The following RAP1GDS1 variants were observed in gnomAD, a reference collection of about 807,000 sequenced individuals.
RAP1GDS1 encodes the protein Rap1 GTPase-GDP dissociation stimulator 1, also known as RAP1, GTP-GDP dissociation stimulator 1.
A neutral mutation model predicts 71.1 loss-of-function variants in RAP1GDS1; 35 were observed. That is an observed-to-expected ratio of 0.49 (90% CI 0.38 to 0.65). The LOEUF (loss-of-function observed/expected upper bound fraction) is 0.65. Among genes scored for constraint, RAP1GDS1 ranks in the 30% least tolerant of loss-of-function variants. The pLI, the probability that RAP1GDS1 is intolerant of heterozygous loss-of-function variation, is 0.00. For missense variants in RAP1GDS1, 663 were observed against 706.1 expected, an observed-to-expected ratio of 0.94 and a Z score of 0.69; for synonymous variants, 229 against 243.1, an observed-to-expected ratio of 0.94 and a Z score of 0.54.
At chr4:98,414,956 GTATTT>G (rs1258732430) in intron 7 of RAP1GDS1, among the ~76,000 whole-genome samples, 1 of 151,718 alleles carries the variant, frequency 6.6e-6, no homozygotes, top group African/African-American at 2.4e-5. Context: ...GGATTCCTAG[GTATTT>G]TATTCTCTTT....
chr4:98,275,928 T>C (rs1396508114), intron 1 of RAP1GDS1, among the ~76,000 whole-genome samples: 3 of 152,202 alleles, frequency 2.0e-5, no homozygotes, highest in Non-Finnish European at 4.4e-5. Flanking sequence ...CAGATGTTCT[T>C]TCCCCTGGCA....
At position 98,299,910 on chromosome 4, in the gene RAP1GDS1, C is replaced by T. The variant is rs959453772; in HGVS notation, c.112+6395C>T. Reference sequence around the variant, plus strand: ...CTAAGATTACAGACATGAGCCACTGCGCCTGGCCTCGAAAGTGGTTTTTTG... The same window carrying T: ...CTAAGATTACAGACATGAGCCACTGTGCCTGGCCTCGAAAGTGGTTTTTTG... On this transcript the variant is annotated intron_variant, in intron 2 of 14. Transcript: ENST00000408927. 7.9e-5 allele frequency among the ~76,000 whole-genome samples: 12 copies of T among 152,124 alleles called. No homozygotes were observed. In the South Asian group the frequency reaches 1.5e-3, roughly 18 times the overall value.
chr4:98,349,252 G>C (rs1398245891), intron 3 of RAP1GDS1, among the ~76,000 whole-genome samples: 1 of 152,126 alleles, frequency 6.6e-6, no homozygotes, highest in Admixed American at 6.5e-5. Flanking sequence ...GTTTTTGTCA[G>C]GTTTGTCAAA....
chr4:98,307,829 A>G lies in RAP1GDS1; in HGVS notation c.112+14314A>G, dbSNP rs183874388. Among the ~76,000 whole-genome samples, 4 of 152,270 alleles carry G rather than the reference A, an allele frequency of 2.6e-5. No homozygotes were observed. In the East Asian group the frequency reaches 7.7e-4, roughly 29 times the overall value. On this transcript the variant is annotated intron_variant, in intron 2 of 14. Coordinates refer to ENST00000408927, the MANE Select transcript of RAP1GDS1 (RefSeq NM_001100427.2). ...TACTTTTGTTTCCTCTTGCCCTTAT[A>G]ACTAAAGCCGACTTACTGTATTGGG...
At chr4:98,421,568 A>G (rs1177081206) in intron 12 of RAP1GDS1, among the ~76,000 whole-genome samples, 174 bp downstream of exon 12, 1 of 152,200 alleles carries the variant, frequency 6.6e-6, no homozygotes, top group South Asian at 2.1e-4. Context: ...AACACTCGGT[A>G]AATGGGGGTT....
At chr4:98,309,768 G>A (rs776906744) in intron 2 of RAP1GDS1, among the ~76,000 whole-genome samples, 1 of 151,722 alleles carries the variant, frequency 6.6e-6, no homozygotes, top group Non-Finnish European at 1.5e-5. Flanking sequence ...TCTTAATTTT[G>A]TGTGGTTCAT....
At chr4:98,370,928 T>C (rs1179184293) in intron 4 of RAP1GDS1, among the ~76,000 whole-genome samples, 3 of 152,132 alleles carry the variant, frequency 2.0e-5, no homozygotes, top group African/African-American at 7.2e-5. Context: ...TAGAAACTCT[T>C]TGAAAGCAAA....
chr4:98,435,756 A>C (rs1009594706), intron 13 of RAP1GDS1, among the ~76,000 whole-genome samples: 1 of 152,010 alleles, frequency 6.6e-6, no homozygotes, highest in Non-Finnish European at 1.5e-5. Context: ...TTGTAGTTCT[A>C]TATTTTACAT....
intron 2 of RAP1GDS1, among the ~76,000 whole-genome samples, chr4:98,318,879 T>C (rs373865013): frequency 3.9e-5 from 6 of 152,174 alleles, no homozygotes; most frequent in African/African-American, 1.4e-4. Flanking sequence ...TCCAGAACTT[T>C]CCATTTAATA....
chr4:98,276,910 C>T (rs1388813429), intron 1 of RAP1GDS1, among the ~76,000 whole-genome samples: 1 of 152,024 alleles, frequency 6.6e-6, no homozygotes, highest in Non-Finnish European at 1.5e-5. Flanking sequence ...AGATCTGGAA[C>T]CTCAAATGAT....
At chr4:98,402,788 C>T (rs1399449186) in intron 6 of RAP1GDS1, among the ~76,000 whole-genome samples, 3 of 152,286 alleles carry the variant, frequency 2.0e-5, no homozygotes, top group African/African-American at 7.2e-5. Flanking sequence ...TCATTTTGGA[C>T]ACCTGCTTTA....
At chr4:98,325,442 A>T (rs1328698994) in intron 2 of RAP1GDS1, among the ~76,000 whole-genome samples, 1 of 151,836 alleles carries the variant, frequency 6.6e-6, no homozygotes, top group Non-Finnish European at 1.5e-5. Flanking sequence ...AAATGACTAT[A>T]AATCATGCTG....
intron 12 of RAP1GDS1, among the ~76,000 whole-genome samples, chr4:98,430,556 AT>A (rs1207396118): frequency 6.6e-6 from 1 of 152,140 alleles, no homozygotes; most frequent in Non-Finnish European, 1.5e-5. Context: ...AATAGTAATT[AT>A]TTTTTTCTTT....
intron 2 of RAP1GDS1, among the ~76,000 whole-genome samples, chr4:98,342,743 A>T (rs1208719037): frequency 6.6e-6 from 1 of 152,162 alleles, no homozygotes; most frequent in African/African-American, 2.4e-5. Context: ...TTGCTATGGC[A>T]TTATAGGGAA....
rs560570244 is a variant in RAP1GDS1, at chr4:98,436,448, T to A, written c.1568-492T>A. On this transcript the variant is annotated intron_variant, in intron 13 of 14. Transcript: ENST00000408927. ...TTTCCATGTAAGTTTTAGTATAAGCTTGTATATTTTCTACAGAAAATCTTG... is the reference window on the plus strand; with the variant it reads ...TTTCCATGTAAGTTTTAGTATAAGCATGTATATTTTCTACAGAAAATCTTG... 2.0e-5 allele frequency among the ~76,000 whole-genome samples: 3 copies of A among 152,342 alleles called. No individual in the cohort carries two copies. In the South Asian group the frequency reaches 6.2e-4, roughly 32 times the overall value.
chr4:98,390,646 G>A (rs2110125087), intron 5 of RAP1GDS1, among the ~76,000 whole-genome samples: 1 of 152,104 alleles, frequency 6.6e-6, no homozygotes, highest in East Asian at 1.9e-4. Flanking sequence ...AAGACCACCA[G>A]GCAATAATGA....
chr4:98,396,146 A>G (rs1744516459), intron 6 of RAP1GDS1: 1 of 152,194 alleles, frequency 6.6e-6, no homozygotes, highest in South Asian at 2.1e-4. Flanking sequence ...CTAACCATTC[A>G]TGAGGGACCT....
At position 98,315,705 on chromosome 4, in the gene RAP1GDS1, G is replaced by A. The variant is rs147686568; in HGVS notation, c.112+22190G>A. Among the ~76,000 whole-genome samples the A allele has an allele frequency of 1.2e-3, 176 of 152,130 alleles. No homozygotes were observed. In the Middle Eastern group the frequency reaches 0.017, roughly 15 times the overall value. ...GGCATAAGGGATCATATTATCAAAG[G>A]ACTTTTATATCATGCTAAACATGAT... On this transcript the variant is annotated intron_variant, in intron 2 of 14. Coordinates refer to ENST00000408927, the MANE Select transcript of RAP1GDS1 (RefSeq NM_001100427.2).
intron 2 of RAP1GDS1, among the ~76,000 whole-genome samples, chr4:98,309,399 G>A (rs1173675470): frequency 6.6e-6 from 1 of 151,656 alleles, no homozygotes; most frequent in South Asian, 2.1e-4. Context: ...TTATAAATCT[G>A]TTATTTCATT....
Sources: gnomAD v4.1 joint callset for allele counts (sites outside exome capture counted in the v4.1 genomes callset) on GRCh38, gnomAD v4.1.1 for gene constraint, MANE v1.5 for transcripts, NCBI Gene and HGNC (gene_info 2026-07-23, HGNC 2026-07-21) for gene names.